Variants in STAU1 observed in about 807,000 individuals in gnomAD.
STAU1 encodes double-stranded RNA-binding protein Staufen homolog 1.
Under a neutral mutation model 62.9 loss-of-function variants are expected in STAU1, and 13 were observed. The ratio of observed to expected loss-of-function variants is 0.21; its 90% confidence interval spans 0.13 to 0.33. The LOEUF (loss-of-function observed/expected upper bound fraction) is 0.33, where lower values mean the gene tolerates loss of function less well. STAU1 is among the 10% of genes least tolerant of loss of function. The pLI, the probability that STAU1 is intolerant of heterozygous loss-of-function variation, is 1.00. For missense variants in STAU1, 571 were observed against 712.1 expected (o/e 0.80, Z 2.25); for synonymous variants, 269 against 265.1 (o/e 1.01, Z -0.14).
chr20:49,200,212 C>A, the STAU1 span, among the ~76,000 whole-genome samples: 37 of 152,256 alleles, frequency 2.4e-4, no homozygotes, highest in African/African-American at 8.2e-4. Context: ...TTCATAAGAG[C>A]CAAAACCTGG....
chr20:49,150,186 T>C (rs902003646), intron 5 of STAU1, among the ~76,000 whole-genome samples: 4 of 152,186 alleles, frequency 2.6e-5, no homozygotes, highest in Non-Finnish European at 4.4e-5. Flanking sequence ...ATTATATTGC[T>C]ATTTAGTCAC....
chr20:49,200,590 G>A, the STAU1 span, among the ~76,000 whole-genome samples: 3 of 151,466 alleles, frequency 2.0e-5, no homozygotes, highest in Non-Finnish European at 2.9e-5. Context: ...GACAGAGCAA[G>A]ACTCCGTCTC....
At position 49,166,008 on chromosome 20, in the gene STAU1, C is replaced by T. The variant is rs372441289; in HGVS notation, c.194G>A (p.Ser65Asn). Residue 65 changes from serine to asparagine, a missense_variant, in exon 3 of 14, where the codon AGT (serine) becomes AAT (asparagine). Transcript: ENST00000371856. Reference protein sequence around the residue: ...ALPSASITSTSAAAESITPTV... With the variant: ...ALPSASITSTNAAAESITPTV... ...ATTCATATGCTTACCTGCAGCTGCACTGGTGGATGTAATAGATGCAGAGGG... is the reference window on the plus strand; with the variant it reads ...ATTCATATGCTTACCTGCAGCTGCATTGGTGGATGTAATAGATGCAGAGGG... 6.2e-7 allele frequency: 1 copy of T among 1,614,104 alleles called. No individual in the cohort carries two copies. Among genetic ancestry groups the T allele is most frequent in the Non-Finnish European group, 8.5e-7 (1 of 1,179,964 alleles).
intron 1 of STAU1, among the ~76,000 whole-genome samples, chr20:49,180,383 G>T (rs1225177281): frequency 6.6e-6 from 1 of 151,580 alleles, no homozygotes; most frequent in Non-Finnish European, 1.5e-5. Flanking sequence ...AAGTGCAGCG[G>T]CACGATGTCA....
the STAU1 span, among the ~76,000 whole-genome samples, chr20:49,213,200 A>G: frequency 6.6e-6 from 1 of 151,372 alleles, no homozygotes; most frequent in South Asian, 2.1e-4. Context: ...TTTTTGCAGC[A>G]ATGGGGGTCT....
the STAU1 span, among the ~76,000 whole-genome samples, chr20:49,193,398 G>C: frequency 6.6e-6 from 1 of 152,108 alleles, no homozygotes; most frequent in Admixed American, 6.5e-5. Context: ...AAAAGGCCGG[G>C]CCGGTAGCTC....
At position 49,165,978 on chromosome 20, in the gene STAU1, C is replaced by T; in HGVS notation, c.205+19G>A. The stretch of plus-strand genomic sequence containing the variant: ...AAGAAAACATTTGAAATAGAAGACA[C>T]TTGGATTCATATGCTTACCTGCAGC... On this transcript the variant is annotated intron_variant, in intron 3 of 13. Coordinates refer to ENST00000371856, the MANE Select transcript of STAU1 (RefSeq NM_017453.4). 2 of 1,612,446 alleles carry T rather than the reference C, an allele frequency of 1.2e-6. No homozygotes were observed. The highest frequency in any genetic ancestry group is 1.7e-6 in the Non-Finnish European group (2 of 1,178,514).
intron 5 of STAU1, among the ~76,000 whole-genome samples, chr20:49,140,246 C>T (rs1164998074): frequency 6.6e-6 from 1 of 151,802 alleles, no homozygotes; most frequent in Non-Finnish European, 1.5e-5. Context: ...TGGAAAACAG[C>T]TTGGTAGTTC....
At chr20:49,171,699 C>CG (rs1274003269) in intron 2 of STAU1, among the ~76,000 whole-genome samples, 1 of 152,108 alleles carries the variant, frequency 6.6e-6, no homozygotes, top group Non-Finnish European at 1.5e-5. Context: ...TCCCAGCCCC[C>CG]CAAAATAGTA....
At chr20:49,158,822 G>A (rs572430963) in intron 3 of STAU1, 35 of 667,558 alleles carry the variant, frequency 5.2e-5, no homozygotes, top group African/African-American at 1.7e-4. Context: ...AAAAAAAGCC[G>A]GGCGCGGTGG....
chr20:49,128,613 G>C (rs1207273739), intron 6 of STAU1, among the ~76,000 whole-genome samples: 1 of 152,006 alleles, frequency 6.6e-6, no homozygotes, highest in Non-Finnish European at 1.5e-5. Context: ...AAAATGTGAA[G>C]AGGGGAGGTG....
the STAU1 span, among the ~76,000 whole-genome samples, chr20:49,203,873 G>C: frequency 2.6e-5 from 4 of 152,084 alleles, no homozygotes; most frequent in African/African-American, 7.2e-5. Context: ...TTTTAGTAGA[G>C]ACGGGGTTTC....
At chr20:49,204,602 A>ATATATATATATATGTG in the STAU1 span, among the ~76,000 whole-genome samples, 45 of 43,498 alleles carry the variant, frequency 1.0e-3, 3 homozygotes, top group African/African-American at 2.5e-3. Context: ...TTATATATAT[A>ATATATATATATATGTG]TATATATATA....
At chr20:49,155,663 C>A (rs894644009) in intron 3 of STAU1, among the ~76,000 whole-genome samples, 1 of 152,148 alleles carries the variant, frequency 6.6e-6, no homozygotes. Context: ...ATAAGAATAT[C>A]TTTGGGGTTT....
chr20:49,148,923 T>C (rs1442840471), intron 5 of STAU1, among the ~76,000 whole-genome samples: 1 of 152,160 alleles, frequency 6.6e-6, no homozygotes, highest in African/African-American at 2.4e-5. Flanking sequence ...TTCCCCAACC[T>C]TGACCATACC....
chr20:49,174,014 C>G (rs1600850879), intron 2 of STAU1, among the ~76,000 whole-genome samples, 181 bp downstream of exon 2: 2 of 152,200 alleles, frequency 1.3e-5, no homozygotes, highest in Admixed American at 1.3e-4. Flanking sequence ...TTGCCAATAA[C>G]TTTTCCTGTA....
At chr20:49,180,448 G>A (rs750502756) in intron 1 of STAU1, among the ~76,000 whole-genome samples, 44 of 151,866 alleles carry the variant, frequency 2.9e-4, no homozygotes, top group African/African-American at 3.9e-4. Context: ...CTCAGCCCCC[G>A]GGGTAGCTGG....
chr20:49,149,735 G>C (rs2093207289), intron 5 of STAU1, among the ~76,000 whole-genome samples: 1 of 152,188 alleles, frequency 6.6e-6, no homozygotes, highest in Admixed American at 6.5e-5. Context: ...CCTGGAAACA[G>C]ATCATCTGTT....
At chr20:49,145,755 A>G (rs2093117982) in intron 5 of STAU1, among the ~76,000 whole-genome samples, 1 of 151,850 alleles carries the variant, frequency 6.6e-6, no homozygotes, top group Non-Finnish European at 1.5e-5. Flanking sequence ...AGAAAACCTG[A>G]GCCAGGCACA....
Sources: allele counts gnomAD v4.1 joint callset (sites outside exome capture counted in the v4.1 genomes callset), GRCh38; gene constraint gnomAD v4.1.1; transcripts MANE v1.5; gene names NCBI Gene and HGNC (gene_info 2026-07-23, HGNC 2026-07-21).